The following XKR9 variants were observed in gnomAD, a reference collection of about 807,000 sequenced individuals.
XKR9 encodes XK-related protein 9.
In XKR9, 32 loss-of-function variants were observed where a neutral mutation model predicts 32.0. That is an observed-to-expected ratio of 1.00 (90% confidence interval 0.76 to 1.34). The LOEUF (loss-of-function observed/expected upper bound fraction) is 1.34, where lower values mean the gene tolerates loss of function less well. XKR9 is among the 40% of genes most tolerant of loss of function. XKR9 has a pLI of 0.00. For missense variants in XKR9, 546 were observed against 429.7 expected (o/e 1.27, Z -2.39); for synonymous variants, 168 against 143.4 (o/e 1.17, Z -1.22).
At chr8:70,817,276 G>T in the XKR9 span, among the ~76,000 whole-genome samples, 1 of 152,066 alleles carries the variant, frequency 6.6e-6, no homozygotes, top group Non-Finnish European at 1.5e-5. Flanking sequence ...CTTCAGTAAA[G>T]TTCCAAGATG....
At chr8:70,968,291 C>G in the XKR9 span, among the ~76,000 whole-genome samples, 1 of 152,150 alleles carries the variant, frequency 6.6e-6, no homozygotes, top group Non-Finnish European at 1.5e-5. Flanking sequence ...TCCATCAGGT[C>G]AGTTATGCTC....
the XKR9 span, among the ~76,000 whole-genome samples, chr8:70,971,884 T>C: frequency 1.3e-5 from 2 of 152,054 alleles, no homozygotes; most frequent in Non-Finnish European, 2.9e-5. Context: ...AGTTTGAAGT[T>C]GGGTACTGTG....
intron 2 of XKR9, among the ~76,000 whole-genome samples, chr8:70,779,008 G>A (rs2130248119): frequency 6.6e-6 from 1 of 152,248 alleles, no homozygotes; most frequent in East Asian, 1.9e-4. Flanking sequence ...GGTGAGAGAA[G>A]GTGTCCTTGT....
chr8:70,697,969 T>C (rs1481519106), intron 3 of XKR9, among the ~76,000 whole-genome samples: 2 of 132,894 alleles, frequency 1.5e-5, no homozygotes, highest in Admixed American at 7.8e-5. Context: ...AGTTTATTTG[T>C]GTAGAGGTGT....
At chr8:71,048,988 A>C in the XKR9 span, among the ~76,000 whole-genome samples, 1 of 152,248 alleles carries the variant, frequency 6.6e-6, no homozygotes, top group Non-Finnish European at 1.5e-5. Context: ...TTCTGGACTT[A>C]AGTGCTCATG....
chr8:70,853,516 C>T, the XKR9 span, among the ~76,000 whole-genome samples: 1 of 151,188 alleles, frequency 6.6e-6, no homozygotes, highest in African/African-American at 2.4e-5. Context: ...AAAAAAAAAC[C>T]CCAACAAATG....
chr8:70,714,102 A>G lies in XKR9; in HGVS notation c.493+6949A>G, dbSNP rs2132197410. 1.3e-5 allele frequency among the ~76,000 whole-genome samples: 2 copies of G among 152,174 alleles called. 1 individual carries two copies. Among genetic ancestry groups the G allele is most frequent in the Admixed American group, 1.3e-4 (2 of 15,276 alleles). ...GGATGAGTAAGGAGGAGGGAGAGGA[A>G]GAGGAGGGGAGAGAGATTTCTAATG... On this transcript the variant is annotated intron_variant, in intron 4 of 4. Coordinates refer to ENST00000408926, the MANE Select transcript of XKR9 (RefSeq NM_001011720.2).
intron 2 of XKR9, among the ~76,000 whole-genome samples, chr8:70,788,962 G>T (rs948466335): frequency 7.2e-5 from 11 of 151,962 alleles, no homozygotes; most frequent in African/African-American, 2.2e-4. Context: ...TTGACTACTG[G>T]ACTAATCCTT....
chr8:70,875,876 C>T, the XKR9 span, among the ~76,000 whole-genome samples: 6 of 152,104 alleles, frequency 3.9e-5, no homozygotes, highest in Middle Eastern at 6.8e-3. Flanking sequence ...AATTTAAAAA[C>T]TCTTATGGGG....
At chr8:70,974,943 A>C in the XKR9 span, among the ~76,000 whole-genome samples, 1 of 152,210 alleles carries the variant, frequency 6.6e-6, no homozygotes, top group African/African-American at 2.4e-5. Context: ...AACTGGTGTG[A>C]GATGGTATCT....
chr8:71,011,394 T>G, the XKR9 span, among the ~76,000 whole-genome samples: 1 of 152,174 alleles, frequency 6.6e-6, no homozygotes, highest in African/African-American at 2.4e-5. Flanking sequence ...CTTTCAAATT[T>G]TATTATTGGT....
the XKR9 span, among the ~76,000 whole-genome samples, chr8:70,959,465 A>G: frequency 6.6e-6 from 1 of 152,162 alleles, no homozygotes; most frequent in Non-Finnish European, 1.5e-5. Flanking sequence ...CTATTGATGG[A>G]CACTGGATTG....
the XKR9 span, among the ~76,000 whole-genome samples, chr8:71,057,264 C>A: frequency 1.3e-5 from 2 of 152,284 alleles, no homozygotes; most frequent in African/African-American, 4.8e-5. Context: ...AAGAAGAGAG[C>A]ACACTATGGA....
chr8:70,745,542 A>C (rs1807046728), intron 2 of XKR9, among the ~76,000 whole-genome samples: 1 of 152,036 alleles, frequency 6.6e-6, no homozygotes, highest in Admixed American at 6.6e-5. Context: ...CCCTATCCTG[A>C]GTTTCTTTTT....
At chr8:70,779,270 T>A (rs978730714) in intron 2 of XKR9, among the ~76,000 whole-genome samples, 2 of 152,246 alleles carry the variant, frequency 1.3e-5, no homozygotes, top group African/African-American at 4.8e-5. Context: ...TTTGTGTATG[T>A]TGAACCAGCC....
chr8:70,748,659 T>A (rs1216710705), intron 2 of XKR9, among the ~76,000 whole-genome samples: 1 of 152,178 alleles, frequency 6.6e-6, no homozygotes, highest in Non-Finnish European at 1.5e-5. Context: ...GGCAGACAGG[T>A]TCCTGGTGGA....
At chr8:71,019,325 G>A in the XKR9 span, among the ~76,000 whole-genome samples, 1 of 152,256 alleles carries the variant, frequency 6.6e-6, no homozygotes, top group East Asian at 1.9e-4. Flanking sequence ...AGCCTGCAAT[G>A]GAACAGTAAG....
At chr8:70,986,659 C>T in the XKR9 span, among the ~76,000 whole-genome samples, 1 of 152,192 alleles carries the variant, frequency 6.6e-6, no homozygotes, top group Non-Finnish European at 1.5e-5. Context: ...AGCAGAGGAA[C>T]ATAGACCATG....
At chr8:70,982,532 C>T in the XKR9 span, among the ~76,000 whole-genome samples, 8 of 152,194 alleles carry the variant, frequency 5.3e-5, no homozygotes, top group African/African-American at 1.4e-4. Flanking sequence ...GGTGGTCTCA[C>T]TCCCACCGTG....
Sources: allele counts gnomAD v4.1 joint callset (sites outside exome capture counted in the v4.1 genomes callset), GRCh38; gene constraint gnomAD v4.1.1; transcripts MANE v1.5; gene names NCBI Gene and HGNC (gene_info 2026-07-23, HGNC 2026-07-21).